The following PPP1R21 variants were observed in gnomAD, a reference collection of about 807,000 sequenced individuals.
PPP1R21 encodes the protein KLRAQ motif containing 1.
In PPP1R21, 85 loss-of-function variants were observed where a neutral mutation model predicts 112.8. The observed-to-expected ratio is 0.75, with a 90% CI of 0.63 to 0.90. PPP1R21 has a LOEUF of 0.90. Ranked by LOEUF, PPP1R21 falls within the 40% of genes least tolerant of loss-of-function variation. The pLI is 0.00. For missense variants in PPP1R21, 1,199 were observed against 901.5 expected (o/e 1.33, Z -4.23); for synonymous variants, 381 against 322.3 (o/e 1.18, Z -1.95).
At chr2:48,503,974 C>G (rs74633369) in intron 17 of PPP1R21, among the ~76,000 whole-genome samples, 2,362 of 146,852 alleles carry the variant, frequency 0.016, 57 homozygotes, top group African/African-American at 0.054. Flanking sequence ...AAAAAGTTTT[C>G]CTTGCATTTA....
At chr2:48,509,576 A>G (rs1480625652) in intron 19 of PPP1R21, among the ~76,000 whole-genome samples, 1 of 151,826 alleles carries the variant, frequency 6.6e-6, no homozygotes, top group East Asian at 1.9e-4. Flanking sequence ...GTGGTGGTGC[A>G]TGCCTGTAAT....
At chr2:48,471,775 C>T (rs993033501) in intron 11 of PPP1R21, among the ~76,000 whole-genome samples, 1 of 152,138 alleles carries the variant, frequency 6.6e-6, no homozygotes, top group African/African-American at 2.4e-5. Flanking sequence ...CAGAATACGT[C>T]ATTTAGTAAC....
At chr2:48,486,781 T>C (rs752903369) in intron 14 of PPP1R21, 23 bp downstream of exon 14, 1 of 1,602,796 alleles carries the variant, frequency 6.2e-7, no homozygotes, top group South Asian at 1.1e-5. Flanking sequence ...TGGCGTATAT[T>C]GATGTTAAAA....
chr2:48,491,761 T>C (rs1303852858), intron 15 of PPP1R21, among the ~76,000 whole-genome samples: 1 of 152,124 alleles, frequency 6.6e-6, no homozygotes, highest in Non-Finnish European at 1.5e-5. Context: ...AATATTTTTT[T>C]CTCTTAATGC....
At chr2:48,469,261 T>G (rs569837414) in intron 9 of PPP1R21, among the ~76,000 whole-genome samples, 2 of 46,238 alleles carry the variant, frequency 4.3e-5, no homozygotes, top group South Asian at 9.2e-4. Context: ...TATATTTGAA[T>G]TGTGTGTGTG....
intron 7 of PPP1R21, among the ~76,000 whole-genome samples, chr2:48,461,578 G>A (rs1667982017): frequency 6.6e-6 from 1 of 152,138 alleles, no homozygotes; most frequent in Non-Finnish European, 1.5e-5. Flanking sequence ...AGGCTTGGTG[G>A]TGGGAGTTAA....
intron 1 of PPP1R21, 125 bp downstream of exon 1, chr2:48,441,135 C>T: frequency 1.4e-6 from 1 of 706,110 alleles, no homozygotes; most frequent in Non-Finnish European, 2.5e-6. Flanking sequence ...CCTTTCCCCT[C>T]AGCCGTCTCC....
chr2:48,491,131 T>C lies in PPP1R21; in HGVS notation c.1560T>C (p.Tyr520=), dbSNP rs1300282493. ...SPLSAECMLQ[Y]KKKAAAYMKS... ...TTTCAGCTGAATGCATGCTACAGTA[T>C]AAGAAAAAAGCTGCTGCCTATATGA... The change falls in exon 15 of 22, where the codon TAT becomes TAC. Residue 520 remains tyrosine, a synonymous_variant. Transcript: ENST00000294952. The C allele has an allele frequency of 1.2e-6, 2 of 1,614,010 alleles. No individual in the cohort carries two copies. Among genetic ancestry groups the C allele is most frequent in the South Asian group, 2.2e-5 (2 of 91,026 alleles).
intron 9 of PPP1R21, among the ~76,000 whole-genome samples, chr2:48,469,567 C>CATATAT (rs58651401): frequency 0.01 from 876 of 87,096 alleles, 40 homozygotes; most frequent in African/African-American, 0.014. Context: ...AGAGAGAGAG[C>CATATAT]ATATATATAT....
intron 17 of PPP1R21, among the ~76,000 whole-genome samples, chr2:48,502,226 G>A (rs908395429): frequency 6.6e-6 from 1 of 152,188 alleles, no homozygotes; most frequent in Non-Finnish European, 1.5e-5. Flanking sequence ...GACTTTAGAA[G>A]TTGCTATTTA....
chr2:48,448,044 G>A (rs1288650642), intron 1 of PPP1R21, among the ~76,000 whole-genome samples: 1 of 152,222 alleles, frequency 6.6e-6, no homozygotes, highest in East Asian at 1.9e-4. Context: ...CAGTAATGCA[G>A]TAAGAGTGGC....
chr2:48,461,491 C>T lies in PPP1R21; in HGVS notation c.694+259C>T, dbSNP rs143623819. Among the ~76,000 whole-genome samples, 11 of 152,020 alleles carry T rather than the reference C, an allele frequency of 7.2e-5. No individual in the cohort carries two copies. In the East Asian group the frequency reaches 2.1e-3, roughly 29 times the overall value. ...TTTGATTGCATGTATTTAGCATTTT[C>T]CAAGATAAAAAACAACCTGCACATA... is the stretch of plus-strand genomic sequence containing the variant. On this transcript the variant is annotated intron_variant, in intron 7 of 21. Coordinates refer to ENST00000294952, the MANE Select transcript of PPP1R21 (RefSeq NM_001135629.3).
chr2:48,465,758 A>C (rs1668173674), intron 9 of PPP1R21, 116 bp downstream of exon 9: 2 of 811,526 alleles, frequency 2.5e-6, no homozygotes, highest in South Asian at 2.7e-5. Flanking sequence ...GAAAAAACCC[A>C]AAAAGCATAG....
intron 9 of PPP1R21, among the ~76,000 whole-genome samples, chr2:48,470,693 TTTTG>T (rs1270306811): frequency 9.9e-5 from 15 of 152,274 alleles, no homozygotes; most frequent in South Asian, 8.3e-4. Flanking sequence ...TTCAAATCTT[TTTTG>T]TTTGTTTGTT....
chr2:48,440,770 C>T lies in PPP1R21; in HGVS notation c.-184C>T, dbSNP rs1020683567. On this transcript the variant is annotated 5_prime_UTR_variant, in exon 1 of 22. Coordinates refer to ENST00000294952, the MANE Select transcript of PPP1R21 (RefSeq NM_001135629.3). Reference sequence around the variant, plus strand: ...GGTCGCTCCGCCCCCGGCCCCACTCCACCTTCCTCCCACCCCGGGAACCCG... The same window carrying T: ...GGTCGCTCCGCCCCCGGCCCCACTCTACCTTCCTCCCACCCCGGGAACCCG... 26 of 605,002 alleles carry T rather than the reference C, an allele frequency of 4.3e-5. No individual in the cohort carries two copies. The highest frequency in any genetic ancestry group is 7.0e-5 in the Non-Finnish European group (24 of 342,016). The allele number at this position is 605,002 out of a possible 1,614,324, so 37.5% of individuals were successfully genotyped here.
intron 7 of PPP1R21, among the ~76,000 whole-genome samples, chr2:48,462,760 T>C (rs1668031774): frequency 6.6e-6 from 1 of 152,172 alleles, no homozygotes; most frequent in Non-Finnish European, 1.5e-5. Flanking sequence ...GGGAACATCA[T>C]GTTGCTATAT....
chr2:48,508,820 A>AT (rs967236855), intron 19 of PPP1R21, among the ~76,000 whole-genome samples: 3 of 152,060 alleles, frequency 2.0e-5, no homozygotes, highest in Admixed American at 1.3e-4. Context: ...TAGCTGAGGA[A>AT]TTTTTTTTAG....
chr2:48,500,153 A>C (rs1183374395), intron 17 of PPP1R21, among the ~76,000 whole-genome samples: 1 of 152,192 alleles, frequency 6.6e-6, no homozygotes, highest in Non-Finnish European at 1.5e-5. Context: ...ATTGCATCTA[A>C]ACAGTGTCAG....
chr2:48,495,545 TA>T (rs1669797613), intron 15 of PPP1R21, 133 bp from the exon 16 acceptor site: 1 of 594,452 alleles, frequency 1.7e-6, no homozygotes, highest in African/African-American at 1.9e-5. Context: ...TCACGTGTAT[TA>T]AAGAAAATAG....
Sources: allele counts gnomAD v4.1 joint callset (sites outside exome capture counted in the v4.1 genomes callset), GRCh38; gene constraint gnomAD v4.1.1; transcripts MANE v1.5; gene names NCBI Gene and HGNC (gene_info 2026-07-23, HGNC 2026-07-21).